The following KANK1 variants were observed in gnomAD, a reference collection of about 807,000 sequenced individuals.
KANK1 encodes the protein KN motif and ankyrin repeat domains 1, also known as KN motif and ankyrin repeat domain-containing protein 1.
A neutral mutation model predicts 106.2 loss-of-function variants in KANK1; 109 were observed. The ratio of observed to expected loss-of-function variants is 1.03; its 90% confidence interval spans 0.88 to 1.20. The LOEUF is 1.20. KANK1 is among the 50% of genes most tolerant of loss of function. KANK1 has a pLI of 0.00. For synonymous variants in KANK1, 873 were observed against 652.2 expected, an observed-to-expected ratio of 1.34 and a Z score of -5.16; for missense variants, 2,399 against 1,710.7, an observed-to-expected ratio of 1.40 and a Z score of -7.10.
At chr9:589,689 G>A (rs1432083375) in intron 1 of KANK1, among the ~76,000 whole-genome samples, 1 of 152,154 alleles carries the variant, frequency 6.6e-6, no homozygotes, top group Non-Finnish European at 1.5e-5. Flanking sequence ...CAGGTGATTT[G>A]AAATAGAAAG....
At chr9:540,921 T>A (rs933077231) in intron 1 of KANK1, among the ~76,000 whole-genome samples, 1 of 152,170 alleles carries the variant, frequency 6.6e-6, no homozygotes, top group African/African-American at 2.4e-5. Flanking sequence ...GTTTGTCAGT[T>A]TTATCTTTTC....
rs200821295 is a variant in KANK1 at position 732,366 on chromosome 9, A to G, written c.3006-12A>G. 1.3e-4 allele frequency: 204 copies of G among 1,602,464 alleles called. No individual in the cohort carries two copies. In the African/African-American group the frequency reaches 2.2e-3, roughly 17 times the overall value. ...ACACCTTGCATCTCCTGAAATCCCA[A>G]TTGCCACCTAGGTATGAAACAACTT... On this transcript the variant is annotated splice_polypyrimidine_tract_variant and intron_variant, in intron 5 of 11. Transcript: ENST00000382297.
At position 711,996 on chromosome 9, in the gene KANK1, C is replaced by T. The variant is rs775290661; in HGVS notation, c.1230C>T (p.Asn410=). 2.4e-5 allele frequency: 38 copies of T among 1,614,038 alleles called. No homozygotes were observed. The highest frequency in any genetic ancestry group is 3.1e-5 in the Non-Finnish European group (36 of 1,180,040). Residue 410 remains asparagine, a synonymous_variant, in exon 3 of 12, where the codon AAC becomes AAT. Coordinates refer to ENST00000382297, the MANE Select transcript of KANK1 (RefSeq NM_015158.5). ...CTGTGGGTGCCGAGGAGAACATGAACGACATCGTCGTGTACCACAGAGGCT... is the reference window on the plus strand; with the variant it reads ...CTGTGGGTGCCGAGGAGAACATGAATGACATCGTCGTGTACCACAGAGGCT... ...SVAVGAEENM[N]DIVVYHRGSR... is the part of the protein sequence containing the mutation.
At chr9:708,538 A>T (rs1231134772) in intron 2 of KANK1, among the ~76,000 whole-genome samples, 1 of 152,176 alleles carries the variant, frequency 6.6e-6, no homozygotes, top group Non-Finnish European at 1.5e-5. Context: ...ATTGGGACGT[A>T]AGGAATATAC....
intron 1 of KANK1, among the ~76,000 whole-genome samples, chr9:551,470 A>C (rs920492756): frequency 6.6e-5 from 10 of 152,220 alleles, no homozygotes; most frequent in African/African-American, 2.4e-4. Flanking sequence ...GAAGATGTTG[A>C]ATTTACTTTT....
chr9:742,966 T>A (rs1004782605), intron 10 of KANK1, among the ~76,000 whole-genome samples: 1 of 152,216 alleles, frequency 6.6e-6, no homozygotes, highest in Non-Finnish European at 1.5e-5. Flanking sequence ...AACACCACTC[T>A]GCTCTCTTCT....
chr9:647,235 T>G (rs2137396774), intron 1 of KANK1, among the ~76,000 whole-genome samples: 1 of 147,852 alleles, frequency 6.8e-6, no homozygotes, highest in Non-Finnish European at 1.5e-5. Context: ...CTTGATTATT[T>G]ATTTACTTAT....
chr9:682,222 G>C (rs553505733), intron 2 of KANK1, among the ~76,000 whole-genome samples: 1 of 151,710 alleles, frequency 6.6e-6, no homozygotes, highest in East Asian at 1.9e-4. Context: ...GAAGGTTGCA[G>C]TGTCCCGACA....
chr9:547,517 G>A (rs1040409349), intron 1 of KANK1, among the ~76,000 whole-genome samples: 1 of 151,722 alleles, frequency 6.6e-6, no homozygotes, highest in African/African-American at 2.4e-5. Context: ...TTTAAAGATG[G>A]TGATGGGGAG....
intron 3 of KANK1, among the ~76,000 whole-genome samples, chr9:718,524 G>A (rs1025479782): frequency 2.6e-5 from 4 of 151,896 alleles, no homozygotes; most frequent in East Asian, 1.9e-4. Context: ...TGCCCAGGCT[G>A]GTCTTGAACT....
chr9:705,768 T>C (rs1007275026), intron 2 of KANK1, among the ~76,000 whole-genome samples: 2 of 151,728 alleles, frequency 1.3e-5, no homozygotes, highest in Non-Finnish European at 2.9e-5. Flanking sequence ...TTGGGTAATT[T>C]TTTATATTTT....
chr9:700,126 T>C (rs993588312), intron 2 of KANK1, among the ~76,000 whole-genome samples: 16 of 152,212 alleles, frequency 1.1e-4, no homozygotes, highest in Non-Finnish European at 2.9e-5. Flanking sequence ...CAGGTGCCCA[T>C]CATTTGAATG....
Position 606,571 on chromosome 9 carries a change from T to C in KANK1, c.-83-70319T>C, listed in dbSNP as rs538546128. Among the ~76,000 whole-genome samples, 2 of 116,434 alleles carry C rather than the reference T, an allele frequency of 1.7e-5. 1 individual carries two copies. The highest frequency in any genetic ancestry group is 7.2e-5 in the African/African-American group (2 of 27,930). 76.4% of individuals were successfully genotyped at this position (116,434 alleles called of 152,430 possible). On this transcript the variant is annotated intron_variant, in intron 1 of 11. Transcript: ENST00000382297. ...AACTCTGTCTCAGAAAAAAAATATA[T>C]GTGTGTGTTTTATAAACCTATAAAA...
intron 1 of KANK1, among the ~76,000 whole-genome samples, chr9:644,610 C>G (rs1167555722): frequency 6.6e-6 from 1 of 150,688 alleles, no homozygotes; most frequent in Non-Finnish European, 1.5e-5. Flanking sequence ...CACTGACTCA[C>G]TGTCACCAGA....
In KANK1 at chr9:648,086, C is replaced by G. The variant is rs1204171420; in HGVS notation, c.-83-28804C>G. 3.4e-5 allele frequency among the ~76,000 whole-genome samples: 5 copies of G among 148,706 alleles called. 1 individual carries two copies. The highest frequency in any genetic ancestry group is 1.3e-4 in the African/African-American group (5 of 38,602). ...TGGTGCAATCTTGGCTCACTGCAAC[C>G]TCCGCATCCCGGGTTCAAGCAATTC... On this transcript the variant is annotated intron_variant, in intron 1 of 11. Transcript: ENST00000382297.
intron 1 of KANK1, among the ~76,000 whole-genome samples, chr9:611,108 C>T (rs1830447218): frequency 6.6e-6 from 1 of 152,098 alleles, no homozygotes; most frequent in Non-Finnish European, 1.5e-5. Context: ...TATCTCCATC[C>T]CCAAGACCTG....
chr9:578,429 A>G (rs1202916197), intron 1 of KANK1, among the ~76,000 whole-genome samples: 1 of 151,902 alleles, frequency 6.6e-6, no homozygotes, highest in African/African-American at 2.4e-5. Context: ...AGACAATTAA[A>G]TGTTTCATTT....
rs1033497993 is a variant in KANK1 at position 611,331 on chromosome 9, T to G, written c.-83-65559T>G. 7.9e-5 allele frequency among the ~76,000 whole-genome samples: 12 copies of G among 152,328 alleles called. 1 individual carries two copies. The highest frequency in any genetic ancestry group is 2.9e-4 in the African/African-American group (12 of 41,566). ...GCCAGTTCCTCACCGACTCTATGCC[T>G]TAATTTCCAATGTGTAAGCTTGGAT... On this transcript the variant is annotated intron_variant, in intron 1 of 11. Coordinates refer to ENST00000382297, the MANE Select transcript of KANK1 (RefSeq NM_015158.5).
intron 1 of KANK1, among the ~76,000 whole-genome samples, chr9:579,135 G>T (rs1821354396): frequency 6.6e-6 from 1 of 152,172 alleles, no homozygotes; most frequent in South Asian, 2.1e-4. Context: ...CTGCAGGGAT[G>T]GGAGGTCTAG....
Sources: gnomAD v4.1 joint callset for allele counts (sites outside exome capture counted in the v4.1 genomes callset) on GRCh38, gnomAD v4.1.1 for gene constraint, MANE v1.5 for transcripts, NCBI Gene and HGNC (gene_info 2026-07-23, HGNC 2026-07-21) for gene names.